WDPCP: variants seen among roughly 807,000 people sequenced by gnomAD.
WDPCP encodes WD repeat containing planar cell polarity effector.
A neutral mutation model predicts 93.1 loss-of-function variants in WDPCP; 71 were observed. The ratio of observed to expected loss-of-function variants is 0.76; its 90% confidence interval spans 0.63 to 0.93. The LOEUF (loss-of-function observed/expected upper bound fraction) is 0.93. WDPCP is among the 40% of genes least tolerant of loss of function. The pLI, the probability that WDPCP is intolerant of heterozygous loss-of-function variation, is 0.00. For synonymous variants in WDPCP, 315 were observed against 315.0 expected, an observed-to-expected ratio of 1.00 and a Z score of 0.00; for missense variants, 844 against 887.4, an observed-to-expected ratio of 0.95 and a Z score of 0.62.
chr2:63,528,628 T>C (rs113017897), intron 1 of WDPCP, among the ~76,000 whole-genome samples: 3,379 of 152,316 alleles, frequency 0.022, 51 homozygotes, highest in East Asian at 0.091. Context: ...ACTTGTAGTA[T>C]AGTTTGAAGT....
intron 15 of WDPCP, among the ~76,000 whole-genome samples, chr2:63,154,961 A>C (rs1672135128): frequency 1.3e-5 from 2 of 152,312 alleles, no homozygotes; most frequent in African/African-American, 4.8e-5. Context: ...ATGTCCGTCC[A>C]AGTCTTTTGA....
chr2:63,393,344 T>C (rs1222909305), intron 10 of WDPCP, among the ~76,000 whole-genome samples: 1 of 151,708 alleles, frequency 6.6e-6, no homozygotes, highest in African/African-American at 2.4e-5. Flanking sequence ...ATGAGAACAC[T>C]TGGACACAGG....
chr2:63,783,072 A>T (rs1420776804), intron 2 of WDPCP, among the ~76,000 whole-genome samples: 1 of 152,072 alleles, frequency 6.6e-6, no homozygotes, highest in Non-Finnish European at 1.5e-5. Flanking sequence ...GTGATCCAGA[A>T]ATCCCACTCC....
intron 3 of WDPCP, among the ~76,000 whole-genome samples, chr2:63,609,611 T>G (rs899518020): frequency 3.9e-5 from 6 of 152,192 alleles, no homozygotes; most frequent in African/African-American, 1.4e-4. Flanking sequence ...AAATCTTGGC[T>G]GGGTGCAGTG....
intron 1 of WDPCP, among the ~76,000 whole-genome samples, chr2:63,506,276 T>C (rs953972775): frequency 2.0e-5 from 3 of 152,002 alleles, no homozygotes; most frequent in African/African-American, 2.4e-5. Flanking sequence ...CAAGGAAACA[T>C]GGTATATGCC....
At chr2:63,553,587 T>A (rs146872825) in intron 1 of WDPCP, among the ~76,000 whole-genome samples, 1 of 152,310 alleles carries the variant, frequency 6.6e-6, no homozygotes, top group East Asian at 1.9e-4. Flanking sequence ...CATTCTTCTA[T>A]TTTGTGTAAA....
At chr2:63,813,627 A>C (rs1377424812) in exon 2 of WDPCP, 2 of 152,206 alleles carry the variant, frequency 1.3e-5, no homozygotes, top group African/African-American at 4.8e-5. Context: ...CTCACCTTTT[A>C]AAAATGTCAA....
chr2:63,412,237 A>G (rs1695072328), intron 9 of WDPCP, among the ~76,000 whole-genome samples: 1 of 152,252 alleles, frequency 6.6e-6, no homozygotes, highest in Non-Finnish European at 1.5e-5. Flanking sequence ...ACGCAAGTCA[A>G]TAAATGTGAT....
At chr2:63,362,198 A>G (rs1690516772) in intron 12 of WDPCP, among the ~76,000 whole-genome samples, 1 of 143,738 alleles carries the variant, frequency 7.0e-6, no homozygotes, top group South Asian at 2.2e-4. Flanking sequence ...TTGCAACCCA[A>G]TTTTTTCCTC....
chr2:63,358,900 G>T (rs186469593), intron 12 of WDPCP, among the ~76,000 whole-genome samples: 1 of 152,254 alleles, frequency 6.6e-6, no homozygotes, highest in East Asian at 1.9e-4. Context: ...CTGCCCATTA[G>T]TCCCATAAAT....
At chr2:63,769,466 GT>G (rs969901368) in intron 2 of WDPCP, among the ~76,000 whole-genome samples, 3 of 151,932 alleles carry the variant, frequency 2.0e-5, no homozygotes, top group Admixed American at 6.6e-5. Context: ...AATATAATTA[GT>G]TTTTTCAAGG....
intron 14 of WDPCP, among the ~76,000 whole-genome samples, chr2:63,209,564 T>C (rs935437459): frequency 1.3e-5 from 2 of 152,214 alleles, no homozygotes; most frequent in African/African-American, 2.4e-5. Flanking sequence ...CCCTGTCCAC[T>C]TATGTTTTGG....
At chr2:63,612,000 CATT>C (rs896113061) in intron 3 of WDPCP, among the ~76,000 whole-genome samples, 3 of 152,178 alleles carry the variant, frequency 2.0e-5, no homozygotes, top group Non-Finnish European at 4.4e-5. Flanking sequence ...TCCAAGCCAT[CATT>C]ATTTCTTCAT....
intron 2 of WDPCP, among the ~76,000 whole-genome samples, chr2:63,707,398 C>G (rs1172997964): frequency 2.0e-5 from 3 of 152,146 alleles, no homozygotes. Context: ...CGCTGATACC[C>G]TTTCTTCCAG....
intron 14 of WDPCP, among the ~76,000 whole-genome samples, chr2:63,220,946 C>G (rs930711505): frequency 6.6e-6 from 1 of 152,108 alleles, no homozygotes; most frequent in Non-Finnish European, 1.5e-5. Context: ...CAAGTGACAA[C>G]ATGTAGTATT....
chr2:63,280,084 C>A (rs1357832740), intron 13 of WDPCP, among the ~76,000 whole-genome samples: 1 of 152,124 alleles, frequency 6.6e-6, no homozygotes, highest in Non-Finnish European at 1.5e-5. Context: ...CTACAAATAC[C>A]ACCATCATTC....
intron 12 of WDPCP, among the ~76,000 whole-genome samples, chr2:63,314,257 C>G (rs1185440604): frequency 6.6e-6 from 1 of 151,872 alleles, no homozygotes; most frequent in African/African-American, 2.4e-5. Flanking sequence ...GCCTTGACCT[C>G]CTGGGCTCAG....
chr2:63,519,521 C>T (rs1399578672), intron 1 of WDPCP, among the ~76,000 whole-genome samples: 2 of 152,190 alleles, frequency 1.3e-5, no homozygotes, highest in African/African-American at 4.8e-5. Context: ...TAGTCTGGAA[C>T]ACCTCAGCCC....
intron 17 of WDPCP, among the ~76,000 whole-genome samples, chr2:63,130,437 AT>A (rs1259047510): frequency 1.3e-5 from 2 of 152,012 alleles, no homozygotes; most frequent in Non-Finnish European, 1.5e-5. Context: ...CAAAGGTTTT[AT>A]TTAGGTTCTC....
Sources: gnomAD v4.1 joint callset for allele counts (sites outside exome capture counted in the v4.1 genomes callset) on GRCh38, gnomAD v4.1.1 for gene constraint, MANE v1.5 for transcripts, NCBI Gene and HGNC (gene_info 2026-07-23, HGNC 2026-07-21) for gene names.